Variants in CEP128 observed in about 807,000 individuals in gnomAD.
The protein encoded by CEP128 is centrosomal protein 128.
In CEP128, 132 loss-of-function variants were observed where a neutral mutation model predicts 156.7. That is an observed-to-expected ratio of 0.84 (90% CI 0.73 to 0.97). CEP128 has a LOEUF of 0.97. Among genes scored for constraint, CEP128 ranks in the 50% least tolerant of loss-of-function variants. The probability of loss-of-function intolerance (pLI) is 0.00; values close to 1 mark genes in which losing one functional copy is unlikely to be tolerated. For synonymous variants in CEP128, 469 were observed against 448.9 expected, an observed-to-expected ratio of 1.04 and a Z score of -0.57; for missense variants, 1,252 against 1,281.9, an observed-to-expected ratio of 0.98 and a Z score of 0.36.
intron 9 of CEP128, among the ~76,000 whole-genome samples, chr14:80,843,605 C>A (rs1478505223): frequency 1.3e-5 from 2 of 151,916 alleles, no homozygotes; most frequent in South Asian, 2.1e-4. Context: ...TAATTAAATT[C>A]TTCACATGGG....
chr14:80,880,825 T>C lies in CEP128; in HGVS notation c.645+14893A>G, dbSNP rs189274393. ...TTGCAGTGAGTCAAGATCTCGCCACTGCACTCCAGCCTGGGCGACAGAGCA... is the reference window on the plus strand; with the variant it reads ...TTGCAGTGAGTCAAGATCTCGCCACCGCACTCCAGCCTGGGCGACAGAGCA... On this transcript the variant is annotated intron_variant, in intron 8 of 24. Transcript: ENST00000555265. Among the ~76,000 whole-genome samples the C allele has an allele frequency of 6.7e-4, 99 of 147,828 alleles. 1 individual carries two copies. Among genetic ancestry groups the C allele is most frequent in the Middle Eastern group, 3.5e-3 (1 of 284 alleles).
intron 19 of CEP128, among the ~76,000 whole-genome samples, chr14:80,633,734 T>C (rs1894062386): frequency 6.6e-6 from 1 of 152,162 alleles, no homozygotes; most frequent in Non-Finnish European, 1.5e-5. Context: ...GTATCTTCTT[T>C]GCATAGCTCA....
chr14:80,625,726 C>A (rs1024378064), intron 19 of CEP128, among the ~76,000 whole-genome samples: 2 of 151,330 alleles, frequency 1.3e-5, no homozygotes, highest in African/African-American at 4.9e-5. Flanking sequence ...CTTCCCCTTC[C>A]CCTTTTCCTT....
At chr14:80,661,578 G>A (rs553088706) in intron 19 of CEP128, among the ~76,000 whole-genome samples, 13 of 152,240 alleles carry the variant, frequency 8.5e-5, no homozygotes, top group African/African-American at 2.9e-4. Flanking sequence ...CAAATTATTT[G>A]TAAGAACTTC....
At chr14:80,868,489 A>C (rs1233506166) in intron 8 of CEP128, among the ~76,000 whole-genome samples, 1 of 152,146 alleles carries the variant, frequency 6.6e-6, no homozygotes, top group Non-Finnish European at 1.5e-5. Context: ...CACAAAGAAA[A>C]AAACTTGTGC....
At chr14:80,545,562 G>A (rs1394085057) in intron 21 of CEP128, among the ~76,000 whole-genome samples, 1 of 152,172 alleles carries the variant, frequency 6.6e-6, no homozygotes, top group Non-Finnish European at 1.5e-5. Context: ...GGTCCTTGAA[G>A]TTAGATCTGA....
At chr14:80,530,916 A>G (rs1174634359) in intron 21 of CEP128, 30 bp from the exon 22 acceptor site, 3 of 1,422,302 alleles carry the variant, frequency 2.1e-6, no homozygotes, top group South Asian at 1.3e-5. Context: ...GAAACCAAAC[A>G]TTATAAAAAA....
At chr14:80,499,320 TA>T (rs766036040) in intron 24 of CEP128, among the ~76,000 whole-genome samples, 2 of 152,204 alleles carry the variant, frequency 1.3e-5, no homozygotes, top group Non-Finnish European at 2.9e-5. Flanking sequence ...CCCACGGACT[TA>T]AACTACCATT....
chr14:80,796,356 A>T (rs1883476216), intron 13 of CEP128, among the ~76,000 whole-genome samples: 1 of 152,008 alleles, frequency 6.6e-6, no homozygotes, highest in South Asian at 2.1e-4. Context: ...GCTACTCAGG[A>T]GGCTGAGGCA....
At chr14:80,683,203 T>C (rs1050857549) in intron 19 of CEP128, among the ~76,000 whole-genome samples, 4 of 152,150 alleles carry the variant, frequency 2.6e-5, no homozygotes, top group Non-Finnish European at 5.9e-5. Flanking sequence ...GGACCATCCA[T>C]CTGCTCTTTT....
At chr14:80,635,004 A>G (rs1045069323) in intron 19 of CEP128, among the ~76,000 whole-genome samples, 4 of 152,178 alleles carry the variant, frequency 2.6e-5, no homozygotes, top group African/African-American at 4.8e-5. Flanking sequence ...TTGCTCCCAG[A>G]CGACCAGGCC....
intron 19 of CEP128, among the ~76,000 whole-genome samples, chr14:80,697,415 C>T (rs1031374234): frequency 3.9e-5 from 6 of 152,000 alleles, no homozygotes; most frequent in African/African-American, 4.8e-5. Flanking sequence ...AATTGAGCAC[C>T]TCAAACATAT....
intron 24 of CEP128, 73 bp from the exon 25 acceptor site, chr14:80,497,655 G>T: frequency 1.1e-6 from 1 of 923,078 alleles, no homozygotes; most frequent in Non-Finnish European, 1.7e-6. Context: ...TAATTTTGCA[G>T]AAGGTAGTTA....
intron 19 of CEP128, among the ~76,000 whole-genome samples, chr14:80,599,059 C>T (rs1026054403): frequency 6.6e-6 from 1 of 152,050 alleles, no homozygotes; most frequent in Non-Finnish European, 1.5e-5. Context: ...ATGTATTATA[C>T]GATCTCTCTT....
chr14:80,770,397 C>T (rs1312686587), intron 16 of CEP128, among the ~76,000 whole-genome samples: 1 of 152,158 alleles, frequency 6.6e-6, no homozygotes, highest in East Asian at 1.9e-4. Flanking sequence ...CATATAAATG[C>T]ATCCTCTCCC....
chr14:80,617,232 T>TTTTTTTTC, intron 19 of CEP128, among the ~76,000 whole-genome samples: 1 of 113,422 alleles, frequency 8.8e-6, no homozygotes, highest in Non-Finnish European at 1.8e-5. Flanking sequence ...TTTTTTTTTT[T>TTTTTTTTC]TTTTTTTTTT....
Position 80,916,413 on chromosome 14 carries a change from T to G in CEP128, c.135A>C (p.Thr45=). ...VEVTEKVNTI[T]STLQDTSRNL... Reference sequence around the variant, plus strand: ...TTGTTAAACTAACCTGTAAAGTACTTGTTATAGTGTTGACCTTCTCGGTAA... The same window carrying G: ...TTGTTAAACTAACCTGTAAAGTACTGGTTATAGTGTTGACCTTCTCGGTAA... Residue 45 remains threonine (T), a synonymous_variant, in exon 3 of 25, where the codon ACA becomes ACC. Transcript: ENST00000555265. 1 of 1,613,292 alleles carries G rather than the reference T, an allele frequency of 6.2e-7. No individual in the cohort carries two copies. Among genetic ancestry groups the G allele is most frequent in the Non-Finnish European group, 8.5e-7 (1 of 1,179,604 alleles).
At chr14:80,483,757 T>C (rs1271964043) in intron 14 of CEP128, among the ~76,000 whole-genome samples, 1 of 152,230 alleles carries the variant, frequency 6.6e-6, no homozygotes, top group Non-Finnish European at 1.5e-5. Context: ...AAGAGGTTAC[T>C]GTCTAGTGAA....
At chr14:80,750,335 G>A (rs2139635106) in intron 18 of CEP128, among the ~76,000 whole-genome samples, 1 of 152,264 alleles carries the variant, frequency 6.6e-6, no homozygotes, top group South Asian at 2.1e-4. Flanking sequence ...CCCTGCTAAT[G>A]TAGTCAGGTC....
Sources: gnomAD v4.1 joint callset for allele counts (sites outside exome capture counted in the v4.1 genomes callset) on GRCh38, gnomAD v4.1.1 for gene constraint, MANE v1.5 for transcripts, NCBI Gene and HGNC (gene_info 2026-07-23, HGNC 2026-07-21) for gene names.